Variants in PADI2 observed in about 807,000 individuals in gnomAD.
PADI2 encodes the protein protein-arginine deiminase type-2.
Under a neutral mutation model 81.1 loss-of-function variants are expected in PADI2, and 70 were observed. The observed-to-expected ratio is 0.86, with a 90% CI of 0.71 to 1.05. The LOEUF (loss-of-function observed/expected upper bound fraction) is 1.05. Among genes scored for constraint, PADI2 ranks in the 50% least tolerant of loss-of-function variants. The pLI is 0.00. For synonymous variants in PADI2, 338 were observed against 358.0 expected (o/e 0.94, Z 0.63); for missense variants, 853 against 889.9 (o/e 0.96, Z 0.53).
rs374454787 is a variant in PADI2 at position 17,100,431 on chromosome 1, T to C, written c.349+2556A>G. 5.7e-3 allele frequency among the ~76,000 whole-genome samples: 820 copies of C among 144,478 alleles called. 9 individuals are homozygous for C. Among genetic ancestry groups the C allele is most frequent in the African/African-American group, 0.02 (775 of 39,506 alleles). The allele number at this position is 144,478 out of a possible 152,430, so 94.8% of individuals were successfully genotyped here. A position where few individuals can be genotyped will look rare whatever the true frequency, so the allele number is the denominator to read the frequency against. ...TCCTGAGTAGCTGGGATTACAGGCG[T>C]CCACCACCATGCCCGGCTAGTTTTT... On this transcript the variant is annotated intron_variant, in intron 3 of 15. Coordinates refer to ENST00000375486, the MANE Select transcript of PADI2 (RefSeq NM_007365.3).
At position 17,079,332 on chromosome 1, in the gene PADI2, A is replaced by G. The variant is rs1570981168; in HGVS notation, c.1242T>C (p.Ser414=). The change falls in exon 11 of 16, where the codon AGT becomes AGC. Residue 414 remains serine (S), a synonymous_variant. Coordinates refer to ENST00000375486, the MANE Select transcript of PADI2 (RefSeq NM_007365.3). ...TCTTGCCGTTCACGGTCACTGGGGGACTGACCTCCAGGTTTCCAAATGAGT... is the reference window on the plus strand; with the variant it reads ...TCTTGCCGTTCACGGTCACTGGGGGGCTGACCTCCAGGTTTCCAAATGAGT... The part of the protein sequence containing the change: ...SLDSFGNLEV[S]PPVTVNGKTY... 6.2e-7 allele frequency: 1 copy of G among 1,613,914 alleles called. No homozygotes were observed. The highest frequency in any genetic ancestry group is 8.5e-7 in the Non-Finnish European group (1 of 1,179,854).
chr1:17,107,162 T>C (rs1211613468), intron 1 of PADI2, among the ~76,000 whole-genome samples: 1 of 152,158 alleles, frequency 6.6e-6, no homozygotes, highest in Non-Finnish European at 1.5e-5. Flanking sequence ...GATTTGTGAC[T>C]AAGACATAGG....
chr1:17,113,007 C>A (rs544572823), intron 1 of PADI2, among the ~76,000 whole-genome samples: 1 of 152,134 alleles, frequency 6.6e-6, no homozygotes, highest in East Asian at 1.9e-4. Context: ...TCACTCTGAA[C>A]CCCAGTCCAT....
intron 3 of PADI2, among the ~76,000 whole-genome samples, chr1:17,102,686 G>A (rs986504849): frequency 6.6e-6 from 1 of 152,024 alleles, no homozygotes; most frequent in Non-Finnish European, 1.5e-5. Flanking sequence ...GGAGAGGCAG[G>A]GGGAAACACA....
intron 1 of PADI2, among the ~76,000 whole-genome samples, chr1:17,112,160 G>A (rs1028483705): frequency 1.1e-4 from 16 of 152,152 alleles, no homozygotes; most frequent in African/African-American, 2.7e-4. Context: ...CCACGTGAGC[G>A]ATTATGGTGT....
rs1456047622 is a variant in PADI2 at position 17,104,895 on chromosome 1, C to T, written c.259G>A (p.Glu87Lys). 5.7e-6 allele frequency: 9 copies of T among 1,580,790 alleles called. No homozygotes were observed. Among genetic ancestry groups the T allele is most frequent in the Middle Eastern group, 2.1e-4 (1 of 4,662 alleles). Residue 87 changes from glutamate to lysine, a missense_variant, in exon 2 of 16, where the codon GAG (glutamate) becomes AAG (lysine). Coordinates refer to ENST00000375486, the MANE Select transcript of PADI2 (RefSeq NM_007365.3). ...CGTGGTACCTTGTCACTGCTGGCCT[C>T]GGTGCTCGCCTGGCTCATGGTGACC... Reference protein sequence around the residue: ...LRVTMSQASTEASSDKVTVNY... With the variant: ...LRVTMSQASTKASSDKVTVNY...
intron 3 of PADI2, among the ~76,000 whole-genome samples, chr1:17,100,652 G>A (rs1569575556): frequency 6.8e-6 from 1 of 147,208 alleles, no homozygotes; most frequent in African/African-American, 2.5e-5. Flanking sequence ...AGTGATAGTT[G>A]ATAGCAAATT....
chr1:17,119,427 G>C lies in PADI2; in HGVS notation c.-56C>G. On this transcript the variant is annotated 5_prime_UTR_variant, in exon 1 of 16. Transcript: ENST00000375486. This position sits in a 1 kb window ranked among gnomAD's most constrained non-coding sequence, Gnocchi z 4.8. ...TCCGGGGCGGCCGGGAGCACCTGCA[G>C]CAGGTGCGCCTTCTCCAGCAGCCTG... 7.4e-7 allele frequency: 1 copy of C among 1,345,378 alleles called. No homozygotes were observed. Among genetic ancestry groups the C allele is most frequent in the Non-Finnish European group, 1.0e-6 (1 of 987,452 alleles). The allele number at this position is 1,345,378 out of a possible 1,614,324, so 83.3% of individuals were successfully genotyped here.
chr1:17,107,740 GC>G (rs1267731741), intron 1 of PADI2, among the ~76,000 whole-genome samples: 6 of 152,178 alleles, frequency 3.9e-5, no homozygotes, highest in Non-Finnish European at 8.8e-5. Flanking sequence ...GGGGCTATGG[GC>G]AAAGACTACT....
intron 1 of PADI2, among the ~76,000 whole-genome samples, chr1:17,117,626 A>G (rs899727660): frequency 6.6e-6 from 1 of 151,986 alleles, no homozygotes; most frequent in Non-Finnish European, 1.5e-5. Context: ...CTGTGCCCCT[A>G]CCCCAGCTGG....
intron 9 of PADI2, chr1:17,083,477 T>C: frequency 2.1e-6 from 1 of 469,900 alleles, no homozygotes; most frequent in Non-Finnish European, 3.8e-6. Flanking sequence ...TGCACAGAAC[T>C]TCCGGGAAGG....
intron 3 of PADI2, among the ~76,000 whole-genome samples, chr1:17,101,944 G>T (rs1931160409): frequency 6.6e-6 from 1 of 152,192 alleles, no homozygotes; most frequent in Non-Finnish European, 1.5e-5. Context: ...GTAAAACATT[G>T]AGTACTGGAG....
At chr1:17,082,449 T>C in intron 10 of PADI2, 96 bp downstream of exon 10, 3 of 786,286 alleles carry the variant, frequency 3.8e-6, no homozygotes, top group Non-Finnish European at 6.8e-6. Context: ...GGGCAGCAGA[T>C]GAATGTGTCA....
At chr1:17,086,844 C>T (rs904006992) in intron 6 of PADI2, 145 bp from the exon 7 acceptor site, 15 of 659,026 alleles carry the variant, frequency 2.3e-5, no homozygotes, top group Non-Finnish European at 3.7e-5. Context: ...ACCAGAATGG[C>T]CATGGCTAGG....
Position 17,070,280 on chromosome 1 carries a change from C to A in PADI2, c.1636-64G>T. 2.5e-6 allele frequency: 4 copies of A among 1,593,544 alleles called. No homozygotes were observed. In the South Asian group the frequency reaches 4.5e-5, roughly 18 times the overall value. On this transcript the variant is annotated intron_variant, in intron 14 of 15. Coordinates refer to ENST00000375486, the MANE Select transcript of PADI2 (RefSeq NM_007365.3). The stretch of plus-strand genomic sequence containing the variant: ...GGACACACACCGGCCACCTTGTCAA[C>A]CCCATCCCTGTCTGCAGCACCAGGC...
chr1:17,117,833 G>A (rs1931811893), intron 1 of PADI2, among the ~76,000 whole-genome samples: 1 of 152,220 alleles, frequency 6.6e-6, no homozygotes, highest in Non-Finnish European at 1.5e-5. Flanking sequence ...CCCTAGCGGT[G>A]CCCAGTTCAG....
chr1:17,078,651 G>A (rs1038244564), intron 11 of PADI2, among the ~76,000 whole-genome samples: 2 of 152,140 alleles, frequency 1.3e-5, no homozygotes, highest in Non-Finnish European at 2.9e-5. Flanking sequence ...GCCTCCCAAA[G>A]TGCTGGGACT....
At chr1:17,076,337 C>T (rs1366182505) in intron 11 of PADI2, among the ~76,000 whole-genome samples, 2 of 152,122 alleles carry the variant, frequency 1.3e-5, no homozygotes, top group Non-Finnish European at 2.9e-5. Flanking sequence ...GCCTCAGCAT[C>T]CTGAGTAGCT....
chr1:17,115,628 G>C lies in PADI2; in HGVS notation c.92+3652C>G, dbSNP rs1931729791. ...GGGCTCACAAGAGGTGGGTGGCCAG[G>C]ATGGAACCAACCTAGGGACTCCCTC... On this transcript the variant is annotated intron_variant, in intron 1 of 15. Transcript: ENST00000375486. This position sits in a 1 kb window ranked among gnomAD's most constrained non-coding sequence, Gnocchi z 4.1. Among the ~76,000 whole-genome samples the C allele has an allele frequency of 6.6e-6, 1 of 152,170 alleles. No homozygotes were observed. The highest frequency in any genetic ancestry group is 2.4e-5 in the African/African-American group (1 of 41,448).
Sources: allele counts gnomAD v4.1 joint callset (sites outside exome capture counted in the v4.1 genomes callset), GRCh38; gene constraint gnomAD v4.1.1; non-coding constraint Gnocchi (gnomAD v3.1); transcripts MANE v1.5; gene names NCBI Gene and HGNC (gene_info 2026-07-23, HGNC 2026-07-21).